BNC2: variants seen among roughly 807,000 people sequenced by gnomAD.
BNC2 encodes the protein zinc finger protein basonuclin-2.
BNC2 carries 20 observed loss-of-function variants against 76.3 expected under a neutral mutation model. The ratio of observed to expected loss-of-function variants is 0.26; its 90% CI spans 0.18 to 0.38. The LOEUF (loss-of-function observed/expected upper bound fraction) is 0.38. Ranked by LOEUF, BNC2 falls within the 10% of genes least tolerant of loss-of-function variation. The probability of loss-of-function intolerance (pLI) is 1.00; values close to 1 mark genes in which losing one functional copy is unlikely to be tolerated. For missense variants in BNC2, 1,382 were observed against 1,399.8 expected, an observed-to-expected ratio of 0.99 and a Z score of 0.20; for synonymous variants, 582 against 514.8, an observed-to-expected ratio of 1.13 and a Z score of -1.77.
At chr9:16,750,328 C>G (rs1180010523) in intron 1 of BNC2, among the ~76,000 whole-genome samples, 1 of 152,142 alleles carries the variant, frequency 6.6e-6, no homozygotes, top group Non-Finnish European at 1.5e-5. Context: ...TTAAAAATGG[C>G]TGAACACTAA....
chr9:16,619,266 G>A (rs1820797597), intron 3 of BNC2, among the ~76,000 whole-genome samples: 1 of 151,742 alleles, frequency 6.6e-6, no homozygotes, highest in Non-Finnish European at 1.5e-5. Context: ...ACGAAAGAAG[G>A]GAGCAAGGAG....
intron 5 of BNC2, among the ~76,000 whole-genome samples, chr9:16,456,858 A>C (rs919786752): frequency 6.6e-6 from 1 of 152,176 alleles, no homozygotes; most frequent in Non-Finnish European, 1.5e-5. Context: ...CTCTAATTTC[A>C]GGTAATTTTT....
Position 16,436,599 on chromosome 9 carries a change from G to A in BNC2, c.1595C>T (p.Thr532Ile). Residue 532 changes from threonine to isoleucine, a missense_variant, in exon 6 of 7, where the codon ACA (threonine) becomes ATA (isoleucine). Physicochemically the swap from Thr to Ile is moderately conservative, Grantham distance 89 (BLOSUM62 -1). This residue lies in a region of BNC2 where 798 missense variants were observed against 775.5 expected (regional missense o/e 1.03). Coordinates refer to ENST00000380672, the MANE Select transcript of BNC2 (RefSeq NM_017637.6). Reference sequence around the variant, plus strand: ...ACCCATTGGGGGTCGGCCAGGGCTTGTGAGTGCCAGATTTGATTTTGTACT... The same window carrying A: ...ACCCATTGGGGGTCGGCCAGGGCTTATGAGTGCCAGATTTGATTTTGTACT... ...IASTKSNLALTSPGRPPMGFT... is the reference protein window; with the variant it reads ...IASTKSNLALISPGRPPMGFT... The A allele has an allele frequency of 6.2e-7, 1 of 1,614,128 alleles. No homozygotes were observed. The highest frequency in any genetic ancestry group is 8.5e-7 in the Non-Finnish European group (1 of 1,180,022).
intron 1 of BNC2, among the ~76,000 whole-genome samples, chr9:16,829,089 G>A (rs1166419166): frequency 2.6e-5 from 4 of 152,156 alleles, no homozygotes; most frequent in African/African-American, 4.8e-5. Flanking sequence ...TGGGAGGACT[G>A]AGCGCGACTG....
chr9:16,433,006 T>G (rs1362004451), intron 6 of BNC2, among the ~76,000 whole-genome samples: 1 of 152,062 alleles, frequency 6.6e-6, no homozygotes, highest in East Asian at 1.9e-4. Flanking sequence ...ATTGACAAAA[T>G]AACAATAAAA....
chr9:16,693,212 C>A, intron 3 of BNC2, among the ~76,000 whole-genome samples: 1 of 150,382 alleles, frequency 6.6e-6, no homozygotes, highest in Non-Finnish European at 1.5e-5. Context: ...CCTCCTGCAA[C>A]CAACCGTTTC....
At chr9:16,484,523 C>G (rs1047576729) in intron 5 of BNC2, among the ~76,000 whole-genome samples, 4 of 152,204 alleles carry the variant, frequency 2.6e-5, no homozygotes, top group Admixed American at 1.3e-4. Flanking sequence ...CTACTCAAAA[C>G]AACTCTGAAT....
chr9:16,454,797 A>T (rs1374723046), intron 5 of BNC2, among the ~76,000 whole-genome samples: 1 of 152,220 alleles, frequency 6.6e-6, no homozygotes, highest in Non-Finnish European at 1.5e-5. Flanking sequence ...GTAGATATCC[A>T]GAAGTTTTAC....
chr9:16,698,617 C>T (rs1290457068), intron 3 of BNC2, among the ~76,000 whole-genome samples: 2 of 151,960 alleles, frequency 1.3e-5, no homozygotes, highest in Non-Finnish European at 2.9e-5. Flanking sequence ...CGCTTGAACC[C>T]GGGGAAACAG....
intron 4 of BNC2, among the ~76,000 whole-genome samples, chr9:16,558,241 T>C (rs1818899437): frequency 6.6e-6 from 1 of 152,178 alleles, no homozygotes; most frequent in Admixed American, 6.5e-5. Flanking sequence ...GGTTCAAGAA[T>C]AGGCAAGTGA....
At position 16,804,807 on chromosome 9, in the gene BNC2, T is replaced by C. The variant is rs192184100; in HGVS notation, c.3+65839A>G. Among the ~76,000 whole-genome samples, 246 of 152,268 alleles carry C rather than the reference T, an allele frequency of 1.6e-3. 3 individuals carry two copies. Among genetic ancestry groups the C allele is most frequent in the African/African-American group, 5.7e-3 (236 of 41,562 alleles). Reference sequence around the variant, plus strand: ...GGCCGGGTGCAGTGGCTCACGCCTGTAATCCCAGCACTTTGGGAGGCCGAG... The same window carrying C: ...GGCCGGGTGCAGTGGCTCACGCCTGCAATCCCAGCACTTTGGGAGGCCGAG... On this transcript the variant is annotated intron_variant, in intron 1 of 6. Transcript: ENST00000380672.
chr9:16,635,141 A>AAATTGCT (rs1205667978), intron 3 of BNC2, among the ~76,000 whole-genome samples: 1 of 152,188 alleles, frequency 6.6e-6, no homozygotes, highest in Non-Finnish European at 1.5e-5. Context: ...TTGTCTGTTC[A>AAATTGCT]GGTATTTAGT....
intron 1 of BNC2, among the ~76,000 whole-genome samples, chr9:16,826,350 C>A (rs887638534): frequency 2.6e-5 from 4 of 151,860 alleles, no homozygotes. Context: ...TTAAAAGCAT[C>A]TTCAGCTGTC....
intron 5 of BNC2, among the ~76,000 whole-genome samples, chr9:16,443,362 T>C (rs60299869): frequency 0.073 from 11,057 of 152,242 alleles, 404 homozygotes; most frequent in Middle Eastern, 0.13. Flanking sequence ...CATAACCACA[T>C]TGGCAATTTA....
Position 16,697,767 on chromosome 9 carries a change from T to C in BNC2, c.330+30030A>G, listed in dbSNP as rs373958126. On this transcript the variant is annotated intron_variant, in intron 3 of 6. Coordinates refer to ENST00000380672, the MANE Select transcript of BNC2 (RefSeq NM_017637.6). ...AATGATAAAAATATATACTGGTATATATAACCTCTTAGTTTAAAATTTACT... is the reference window on the plus strand; with the variant it reads ...AATGATAAAAATATATACTGGTATACATAACCTCTTAGTTTAAAATTTACT... Among the ~76,000 whole-genome samples the C allele has an allele frequency of 2.1e-4, 32 of 151,784 alleles. No homozygotes were observed. In the East Asian group the frequency reaches 4.3e-3, roughly 20 times the overall value.
intron 5 of BNC2, among the ~76,000 whole-genome samples, chr9:16,523,315 C>G (rs1817679056): frequency 6.6e-6 from 1 of 151,654 alleles, no homozygotes; most frequent in South Asian, 2.1e-4. Context: ...ACTAAAAACA[C>G]AAAAAATTAG....
At chr9:16,767,961 T>C (rs977673306) in intron 1 of BNC2, among the ~76,000 whole-genome samples, 3 of 146,822 alleles carry the variant, frequency 2.0e-5, no homozygotes, top group Admixed American at 1.4e-4. Flanking sequence ...AGGCAGGTTA[T>C]GCAATTTTTT....
At chr9:16,831,967 G>T (rs939592201) in intron 1 of BNC2, among the ~76,000 whole-genome samples, 4 of 152,064 alleles carry the variant, frequency 2.6e-5, no homozygotes, top group South Asian at 2.1e-4. Context: ...ATAATTTTTT[G>T]ACCTTATCTA....
chr9:16,741,119 T>G (rs1824835959), intron 1 of BNC2, among the ~76,000 whole-genome samples: 1 of 152,006 alleles, frequency 6.6e-6, no homozygotes, highest in Non-Finnish European at 1.5e-5. Context: ...AAGGGAGACA[T>G]GATAGGAAGG....
Sources: gnomAD v4.1 joint callset for allele counts (sites outside exome capture counted in the v4.1 genomes callset) on GRCh38, gnomAD v4.1.1 for gene constraint, gnomAD v4.1.1 regional missense constraint, MANE v1.5 for transcripts, NCBI Gene and HGNC (gene_info 2026-07-23, HGNC 2026-07-21) for gene names.